Variants in GPC6 observed in about 807,000 individuals in gnomAD.
GPC6 encodes the protein glypican 6, also known as glypican-6.
Under a neutral mutation model 55.2 loss-of-function variants are expected in GPC6, and 14 were observed. That is an observed-to-expected ratio of 0.25 (90% CI 0.17 to 0.40). The LOEUF (loss-of-function observed/expected upper bound fraction) is 0.40, where lower values mean the gene tolerates loss of function less well. Among genes scored for constraint, GPC6 ranks in the 10% least tolerant of loss-of-function variants. GPC6 has a pLI of 1.00. For synonymous variants in GPC6, 278 were observed against 259.6 expected, an observed-to-expected ratio of 1.07 and a Z score of -0.68; for missense variants, 641 against 708.5, an observed-to-expected ratio of 0.90 and a Z score of 1.08.
intron 2 of GPC6, among the ~76,000 whole-genome samples, chr13:93,788,513 C>T (rs545825010): frequency 5.6e-5 from 5 of 88,938 alleles, no homozygotes; most frequent in South Asian, 4.1e-4. Context: ...TCATTGTTCA[C>T]TCTTTACACA....
intron 4 of GPC6, among the ~76,000 whole-genome samples, chr13:94,104,577 C>G (rs1461620968): frequency 6.6e-6 from 1 of 152,178 alleles, no homozygotes; most frequent in African/African-American, 2.4e-5. Context: ...ACCCCATCGT[C>G]TCAGCCCAAA....
At chr13:93,263,036 C>T (rs1877204677) in intron 1 of GPC6, among the ~76,000 whole-genome samples, 2 of 151,928 alleles carry the variant, frequency 1.3e-5, no homozygotes, top group East Asian at 1.9e-4. Flanking sequence ...CGTGAAAATT[C>T]CAGAAAAAGG....
chr13:93,329,174 C>T (rs1879755337), intron 1 of GPC6, among the ~76,000 whole-genome samples: 1 of 152,068 alleles, frequency 6.6e-6, no homozygotes, highest in Non-Finnish European at 1.5e-5. Flanking sequence ...AATACATTGG[C>T]CCCAGAGAAA....
At chr13:93,716,011 A>G (rs1883242363) in intron 2 of GPC6, among the ~76,000 whole-genome samples, 1 of 151,664 alleles carries the variant, frequency 6.6e-6, no homozygotes, top group Non-Finnish European at 1.5e-5. Context: ...AGATTATAAA[A>G]GAGCTGAAAC....
At chr13:94,316,089 A>ATAAT (rs1876508048) in intron 6 of GPC6, among the ~76,000 whole-genome samples, 1 of 152,236 alleles carries the variant, frequency 6.6e-6, no homozygotes, top group Non-Finnish European at 1.5e-5. Flanking sequence ...AAAAATAATT[A>ATAAT]TAATTTAAAT....
intron 4 of GPC6, among the ~76,000 whole-genome samples, chr13:94,266,624 T>C (rs935631590): frequency 1.3e-5 from 2 of 150,970 alleles, no homozygotes; most frequent in Non-Finnish European, 2.9e-5. Flanking sequence ...TTATCTCTGC[T>C]CCCCTTTCCC....
intron 4 of GPC6, among the ~76,000 whole-genome samples, chr13:94,030,223 A>G (rs1321329555): frequency 1.3e-5 from 2 of 151,848 alleles, no homozygotes; most frequent in South Asian, 2.1e-4. Flanking sequence ...GTTAGCCAGG[A>G]TGGTCTCGAT....
At chr13:93,274,557 A>G (rs1011709551) in intron 1 of GPC6, among the ~76,000 whole-genome samples, 56 of 152,328 alleles carry the variant, frequency 3.7e-4, no homozygotes, top group African/African-American at 1.3e-3. Context: ...GTTACTACAT[A>G]CTAGGCATTT....
chr13:93,760,059 T>C (rs554758164), intron 2 of GPC6, among the ~76,000 whole-genome samples: 4 of 151,456 alleles, frequency 2.6e-5, no homozygotes, highest in East Asian at 1.9e-4. Flanking sequence ...GGGGCATTAG[T>C]TGAATTATTT....
rs765859546 is a variant in GPC6 at position 93,227,637 on chromosome 13, G to C, written c.160+21G>C. Reference sequence around the variant, plus strand: ...CGCAGGTAAGCGCGGGCGCGCTGCAGGGGCAGGCTGCAGCCCTCGGCTGCC... The same window carrying C: ...CGCAGGTAAGCGCGGGCGCGCTGCACGGGCAGGCTGCAGCCCTCGGCTGCC... On this transcript the variant is annotated intron_variant, in intron 1 of 8. Transcript: ENST00000377047. This position sits in a 1 kb window ranked among gnomAD's most constrained non-coding sequence, Gnocchi z 4.3. 6.3e-7 allele frequency: 1 copy of C among 1,579,234 alleles called. No individual in the cohort carries two copies. The highest frequency in any genetic ancestry group is 8.6e-7 in the Non-Finnish European group (1 of 1,166,072).
intron 1 of GPC6, among the ~76,000 whole-genome samples, chr13:93,307,667 C>T (rs1410745853): frequency 3.9e-5 from 6 of 151,914 alleles, no homozygotes; most frequent in Admixed American, 6.6e-5. Flanking sequence ...ATGTCATATA[C>T]GAGACATACT....
intron 3 of GPC6, among the ~76,000 whole-genome samples, chr13:93,832,696 C>T (rs1315596999): frequency 6.6e-6 from 1 of 152,166 alleles, no homozygotes; most frequent in Admixed American, 6.5e-5. Flanking sequence ...CCCTTGGTCA[C>T]TCTCTGACTG....
intron 1 of GPC6, among the ~76,000 whole-genome samples, chr13:93,481,117 G>A (rs1275110246): frequency 6.6e-6 from 1 of 152,052 alleles, no homozygotes; most frequent in African/African-American, 2.4e-5. Flanking sequence ...TTGTCCCTTT[G>A]ATTATAGTCA....
chr13:94,132,368 G>T (rs1457940617), intron 4 of GPC6, among the ~76,000 whole-genome samples: 1 of 152,150 alleles, frequency 6.6e-6, no homozygotes, highest in Non-Finnish European at 1.5e-5. Context: ...GCCTTCCTCA[G>T]ATTTTGCCTC....
intron 4 of GPC6, among the ~76,000 whole-genome samples, chr13:94,257,843 G>A (rs1479026165): frequency 6.6e-6 from 1 of 152,176 alleles, no homozygotes; most frequent in Non-Finnish European, 1.5e-5. Context: ...AACAGGAAAA[G>A]ATAGACTAAC....
At chr13:93,722,199 C>G (rs1178612117) in intron 2 of GPC6, among the ~76,000 whole-genome samples, 1 of 151,430 alleles carries the variant, frequency 6.6e-6, no homozygotes, top group Non-Finnish European at 1.5e-5. Context: ...CCATTTTAAC[C>G]TTTCATTAAT....
chr13:94,296,164 G>A (rs1875322451), intron 5 of GPC6, among the ~76,000 whole-genome samples: 1 of 152,190 alleles, frequency 6.6e-6, no homozygotes, highest in Non-Finnish European at 1.5e-5. Context: ...ATGCATTTAT[G>A]TGATACCCAT....
chr13:93,472,532 A>G (rs1049479141), intron 1 of GPC6, among the ~76,000 whole-genome samples: 10 of 152,212 alleles, frequency 6.6e-5, no homozygotes, highest in Non-Finnish European at 1.5e-4. Flanking sequence ...GCGTTACTGC[A>G]AACAGCTTCC....
intron 3 of GPC6, among the ~76,000 whole-genome samples, chr13:93,952,964 C>T (rs1239335850): frequency 6.6e-6 from 1 of 150,450 alleles, no homozygotes; most frequent in Admixed American, 6.6e-5. Flanking sequence ...CAAAACACCT[C>T]TATTATTTAG....
Sources: gnomAD v4.1 joint callset for allele counts (sites outside exome capture counted in the v4.1 genomes callset) on GRCh38, gnomAD v4.1.1 for gene constraint, Gnocchi (gnomAD v3.1) non-coding constraint, MANE v1.5 for transcripts, NCBI Gene and HGNC (gene_info 2026-07-23, HGNC 2026-07-21) for gene names.